PCM1: variants seen among roughly 807,000 people sequenced by gnomAD.
PCM1 encodes pericentriolar material 1 protein.
A neutral mutation model predicts 241.9 loss-of-function variants in PCM1; 157 were observed. The ratio of observed to expected loss-of-function variants is 0.65; its 90% confidence interval spans 0.57 to 0.74. The LOEUF (loss-of-function observed/expected upper bound fraction) is 0.74, where lower values mean the gene tolerates loss of function less well. PCM1 is among the 30% of genes least tolerant of loss of function. The probability of loss-of-function intolerance (pLI) is 0.00; values close to 1 mark genes in which losing one functional copy is unlikely to be tolerated. For missense variants in PCM1, 3,478 were observed against 2,360.1 expected (o/e 1.47, Z -9.81); for synonymous variants, 1,085 against 784.9 (o/e 1.38, Z -6.39).
chr8:18,023,016 A>G (rs1246689312), intron 36 of PCM1, among the ~76,000 whole-genome samples: 3 of 152,226 alleles, frequency 2.0e-5, no homozygotes, highest in Non-Finnish European at 4.4e-5. Context: ...TATTTAAATC[A>G]TAACCATTCT....
intron 36 of PCM1, among the ~76,000 whole-genome samples, chr8:18,020,332 G>A (rs1293650228): frequency 1.3e-5 from 2 of 152,160 alleles, no homozygotes; most frequent in African/African-American, 4.8e-5. Flanking sequence ...ATCTGACCTA[G>A]TATTAGGGAA....
At position 17,955,633 on chromosome 8, in the gene PCM1, C is replaced by G. The variant is rs181966589; in HGVS notation, c.1452C>G (p.Leu484=). 14 of 1,612,714 alleles carry G rather than the reference C, an allele frequency of 8.7e-6. No homozygotes were observed. In the Admixed American group the frequency reaches 2.0e-4, roughly 23 times the overall value. ...SQNESENEGH[L]NPSEKLQKLN... is the part of the protein sequence containing the mutation. The stretch of plus-strand genomic sequence containing the variant: ...ATGAGAGTGAAAACGAAGGCCACCT[C>G]AATCCATCTGAAAAACTCCAGTAAA... The change falls in exon 10 of 39, where the codon CTC becomes CTG. Residue 484 remains leucine (L), a synonymous_variant. Coordinates refer to ENST00000325083, the MANE Select transcript of PCM1 (RefSeq NM_006197.4).
At position 17,957,268 on chromosome 8, in the gene PCM1, C is replaced by A. The variant is rs780029436; in HGVS notation, c.1651C>A (p.Pro551Thr). ...NSEPVTNIRN[P>T]QVASTWNEVN... The stretch of plus-strand genomic sequence containing the variant: ...AGGCTGTTTTCTTTCTTCTAGAAAT[C>A]CACAAGTAGCTTCCACTTGGAATGA... Residue 551 changes from proline to threonine, a missense_variant, in exon 12 of 39, where the codon CCA (proline) becomes ACA (threonine). Pro to Thr is a conservative substitution (Grantham distance 38). Transcript: ENST00000325083. 20 of 1,580,928 alleles carry A rather than the reference C, an allele frequency of 1.3e-5. No homozygotes were observed. Among genetic ancestry groups the A allele is most frequent in the African/African-American group, 1.4e-5 (1 of 73,700 alleles).
At chr8:18,007,568 A>G (rs1465498149) in intron 30 of PCM1, among the ~76,000 whole-genome samples, 1 of 152,234 alleles carries the variant, frequency 6.6e-6, no homozygotes, top group Non-Finnish European at 1.5e-5. Flanking sequence ...CAGATCCCAA[A>G]GCATTAATTT....
At chr8:17,961,912 G>T in intron 15 of PCM1, 122 bp from the exon 16 acceptor site, 1 of 688,324 alleles carries the variant, frequency 1.5e-6, no homozygotes, top group Non-Finnish European at 2.3e-6. Context: ...ATGGAAGTCA[G>T]GGTCTGATAG....
intron 2 of PCM1, among the ~76,000 whole-genome samples, chr8:17,928,119 G>A (rs1180244473): frequency 6.6e-6 from 1 of 152,090 alleles, no homozygotes; most frequent in African/African-American, 2.4e-5. Context: ...TCTACCAATT[G>A]TTTTCCTACA....
rs375274096 is a variant in PCM1 at position 17,953,112 on chromosome 8, A to G, written c.1214A>G (p.Glu405Gly). Residue 405 changes from glutamate (E) to glycine (G), a missense_variant, in exon 9 of 39, where the codon GAA becomes GGA. Transcript: ENST00000325083. ...ELFSKMRVLQ[E>G]KKQKMDKLLG... ...TTTAGCAAAATGAGAGTGCTACAGG[A>G]AAAGAAACAAAAAATGGACAAATTG... 42 of 1,596,996 alleles carry G rather than the reference A, an allele frequency of 2.6e-5. No individual in the cohort carries two copies. Among genetic ancestry groups the G allele is most frequent in the Non-Finnish European group, 3.4e-5 (40 of 1,170,964 alleles).
At chr8:17,963,400 T>G in intron 17 of PCM1, 109 bp downstream of exon 17, 2 of 690,954 alleles carry the variant, frequency 2.9e-6, no homozygotes, top group South Asian at 4.6e-5. Flanking sequence ...ATCTGCTATT[T>G]CAGTGAGGCT....
chr8:18,014,611 CCT>C lies in PCM1; in HGVS notation c.5613_5614del (p.Cys1872LeufsTer8). 6.2e-7 allele frequency: 1 copy of C among 1,610,248 alleles called. No individual in the cohort carries two copies. Among genetic ancestry groups the C allele is most frequent in the Non-Finnish European group, 8.5e-7 (1 of 1,177,238 alleles). ...GACCAAAATAACTGTCCTGTGAAAC[CCT>C]GTTACCTCAATATCTTGGAAGATGA... On this transcript the variant is annotated frameshift_variant, in exon 36 of 39. Coordinates refer to ENST00000325083, the MANE Select transcript of PCM1 (RefSeq NM_006197.4). LOFTEE classifies it high-confidence loss of function.
chr8:18,026,344 G>T (rs1468462871), intron 38 of PCM1, among the ~76,000 whole-genome samples: 2 of 137,816 alleles, frequency 1.5e-5, no homozygotes, highest in South Asian at 2.5e-4. Flanking sequence ...AAGCTCCTCC[G>T]CCTCCCAGGT....
At chr8:17,936,246 G>C (rs868356374) in intron 3 of PCM1, among the ~76,000 whole-genome samples, 11 of 152,236 alleles carry the variant, frequency 7.2e-5, no homozygotes, top group Non-Finnish European at 1.0e-4. Context: ...TCAGTCTTCT[G>C]TGGCGAGGGT....
intron 36 of PCM1, among the ~76,000 whole-genome samples, chr8:18,020,469 C>A (rs2129487815): frequency 1.3e-5 from 2 of 152,318 alleles, no homozygotes; most frequent in Admixed American, 1.3e-4. Flanking sequence ...ATCTCTATCT[C>A]AGATGTCAGT....
At chr8:18,019,272 T>C (rs764949589) in intron 36 of PCM1, among the ~76,000 whole-genome samples, 3 of 152,148 alleles carry the variant, frequency 2.0e-5, no homozygotes, top group Non-Finnish European at 4.4e-5. Flanking sequence ...TTCATACTTT[T>C]AGCTTACAAT....
intron 34 of PCM1, among the ~76,000 whole-genome samples, chr8:18,012,276 G>C (rs769161576): frequency 1.2e-4 from 19 of 152,284 alleles, no homozygotes; most frequent in South Asian, 2.1e-4. Flanking sequence ...TGTCTACACT[G>C]TATACACTAC....
Position 17,991,562 on chromosome 8 carries a change from G to A in PCM1, c.4552G>A (p.Asp1518Asn). 1.2e-6 allele frequency: 2 copies of A among 1,602,514 alleles called. No individual in the cohort carries two copies. Among genetic ancestry groups the A allele is most frequent in the Non-Finnish European group, 1.7e-6 (2 of 1,174,116 alleles). ...DDLGNTVIHLDQALARMREYE... is the reference protein window; with the variant it reads ...DDLGNTVIHLNQALARMREYE... ...TGTAGGTAACACCGTGATTCACTTA[G>A]ATCAAGCATTAGCCAGAATGAGAGA... Residue 1518 changes from aspartate to asparagine, a missense_variant, in exon 28 of 39, where the codon GAT (aspartate) becomes AAT (asparagine). By Grantham distance (23) the Asp-to-Asn change is conservative (BLOSUM62 1). Coordinates refer to ENST00000325083, the MANE Select transcript of PCM1 (RefSeq NM_006197.4).
chr8:17,977,638 G>A (rs1490398397), intron 23 of PCM1, among the ~76,000 whole-genome samples: 1 of 152,108 alleles, frequency 6.6e-6, no homozygotes, highest in African/African-American at 2.4e-5. Flanking sequence ...AAGAGTAGCA[G>A]TGTTTTGCTA....
At chr8:17,986,733 C>G (rs977785443) in intron 26 of PCM1, among the ~76,000 whole-genome samples, 29 of 151,782 alleles carry the variant, frequency 1.9e-4, no homozygotes, top group African/African-American at 6.5e-4. Flanking sequence ...TCACCTATTT[C>G]AAGGTTCAGG....
At chr8:17,956,902 T>A (rs1298470614) in intron 11 of PCM1, 125 bp downstream of exon 11, 1 of 785,808 alleles carries the variant, frequency 1.3e-6, no homozygotes, top group Non-Finnish European at 2.0e-6. Context: ...TCTACTATTT[T>A]GGTCAGTGTA....
At chr8:17,992,344 A>G (rs542479166) in intron 28 of PCM1, among the ~76,000 whole-genome samples, 18 of 152,302 alleles carry the variant, frequency 1.2e-4, no homozygotes, top group African/African-American at 4.1e-4. Context: ...TGGTTGTACT[A>G]GTTAGTTTAC....
Sources: allele counts gnomAD v4.1 joint callset (sites outside exome capture counted in the v4.1 genomes callset), GRCh38; gene constraint gnomAD v4.1.1; transcripts MANE v1.5; gene names NCBI Gene and HGNC (gene_info 2026-07-23, HGNC 2026-07-21).